Variants in CIMIP5 observed in about 807,000 individuals in gnomAD.
The protein encoded by CIMIP5 is uncharacterized protein C2orf50.
chr2:11,151,660 C>A, the CIMIP5 span, among the ~76,000 whole-genome samples: 46 of 152,364 alleles, frequency 3.0e-4, no homozygotes, highest in African/African-American at 1.1e-3. Context: ...TAGACGGAGT[C>A]TCGCTCTGTC....
At chr2:11,148,730 C>T in the CIMIP5 span, among the ~76,000 whole-genome samples, 1 of 63,854 alleles carries the variant, frequency 1.6e-5, no homozygotes, top group African/African-American at 9.7e-5. Flanking sequence ...CTAATGAAAA[C>T]TCTTTTTTTT....
chr2:11,150,566 A>G, the CIMIP5 span, among the ~76,000 whole-genome samples: 2 of 151,074 alleles, frequency 1.3e-5, no homozygotes, highest in Non-Finnish European at 3.0e-5. Context: ...TCTTGACCTC[A>G]GGTGATCTGC....
chr2:11,147,771 C>CT, the CIMIP5 span, among the ~76,000 whole-genome samples: 4 of 148,128 alleles, frequency 2.7e-5, no homozygotes, highest in African/African-American at 1.1e-4. Context: ...CACCCACCCT[C>CT]TGCTCCTTGC....
chr2:11,150,702 A>G, the CIMIP5 span, among the ~76,000 whole-genome samples: 9 of 151,746 alleles, frequency 5.9e-5, no homozygotes, highest in Non-Finnish European at 1.0e-4. Flanking sequence ...TCTCAACTCC[A>G]AAATCACTAA....
chr2:11,141,868 C>A, the CIMIP5 span, among the ~76,000 whole-genome samples: 1 of 152,072 alleles, frequency 6.6e-6, no homozygotes, highest in South Asian at 2.1e-4. Context: ...TCACTGCACC[C>A]TATCACAACC....
At chr2:11,144,545 T>C in the CIMIP5 span, 1 of 155,228 alleles carries the variant, frequency 6.4e-6, no homozygotes, top group Non-Finnish European at 1.4e-5. Context: ...GAGCACAAAC[T>C]GCATAGCTTA....
the CIMIP5 span, among the ~76,000 whole-genome samples, chr2:11,135,767 T>C: frequency 1.3e-5 from 2 of 151,800 alleles, no homozygotes; most frequent in African/African-American, 4.8e-5. Context: ...GGTCTTGAAC[T>C]CCTGACCACA....
chr2:11,154,010 T>A, the CIMIP5 span, among the ~76,000 whole-genome samples: 1 of 152,090 alleles, frequency 6.6e-6, no homozygotes. Context: ...AGGGTCTGGC[T>A]CTGTCTCCCA....
chr2:11,149,974 C>A, the CIMIP5 span, among the ~76,000 whole-genome samples: 6 of 152,192 alleles, frequency 3.9e-5, no homozygotes, highest in Non-Finnish European at 8.8e-5. Context: ...GAGACGGCGT[C>A]TCACCCCATT....
chr2:11,133,970 G>A, the CIMIP5 span, among the ~76,000 whole-genome samples: 2 of 152,124 alleles, frequency 1.3e-5, no homozygotes, highest in Admixed American at 6.5e-5. Context: ...ATACCCATGA[G>A]CCGCTCTGAA....
chr2:11,150,861 C>G, the CIMIP5 span, among the ~76,000 whole-genome samples: 1 of 151,326 alleles, frequency 6.6e-6, no homozygotes, highest in East Asian at 1.9e-4. Flanking sequence ...TACTCAGGAT[C>G]ATGCCAAGAA....
chr2:11,152,623 G>A, the CIMIP5 span, among the ~76,000 whole-genome samples: 1 of 152,270 alleles, frequency 6.6e-6, no homozygotes, highest in African/African-American at 2.4e-5. Context: ...CCATGTAGCT[G>A]GGGAGGAGGC....
At chr2:11,144,051 C>A in the CIMIP5 span, 2 of 1,603,328 alleles carry the variant, frequency 1.2e-6, no homozygotes, top group African/African-American at 2.7e-5. Flanking sequence ...TCCGCATGGA[C>A]TTCTTCTTCA....
chr2:11,133,964 C>T, the CIMIP5 span, among the ~76,000 whole-genome samples: 1 of 152,058 alleles, frequency 6.6e-6, no homozygotes, highest in Non-Finnish European at 1.5e-5. Context: ...CCAAAAATAC[C>T]CATGAGCCGC....
chr2:11,138,639 G>A, the CIMIP5 span, among the ~76,000 whole-genome samples: 627 of 152,224 alleles, frequency 4.1e-3, 8 homozygotes, highest in African/African-American at 0.014. Context: ...TGGATCATGC[G>A]GGTGGCTTCT....
chr2:11,142,744 C>T, the CIMIP5 span, among the ~76,000 whole-genome samples: 1,302 of 122,348 alleles, frequency 0.011, 17 homozygotes, highest in African/African-American at 0.039. Flanking sequence ...TTTTGAGATA[C>T]GGTCTCACTC....
At chr2:11,134,474 C>G in the CIMIP5 span, among the ~76,000 whole-genome samples, 1 of 152,204 alleles carries the variant, frequency 6.6e-6, no homozygotes, top group South Asian at 2.1e-4. Context: ...CGTTGATTAG[C>G]AACGCCCCAT....
chr2:11,137,727 G>A, the CIMIP5 span, among the ~76,000 whole-genome samples: 1 of 152,218 alleles, frequency 6.6e-6, no homozygotes, highest in African/African-American at 2.4e-5. Context: ...CAAAGAGGGG[G>A]ATGCCAGTGT....
chr2:11,142,713 A>ATTTTTTT, the CIMIP5 span, among the ~76,000 whole-genome samples: 4 of 104,138 alleles, frequency 3.8e-5, no homozygotes, highest in Non-Finnish European at 5.6e-5. Flanking sequence ...CACTTGTCAG[A>ATTTTTTT]TTTTTTTTTT....
Sources: allele counts gnomAD v4.1 joint callset (sites outside exome capture counted in the v4.1 genomes callset), GRCh38; gene constraint gnomAD v4.1.1; transcripts MANE v1.5; gene names NCBI Gene and HGNC (gene_info 2026-07-23, HGNC 2026-07-21).